Variants in F13A1 observed in about 807,000 individuals in gnomAD.
F13A1 encodes the protein FSF, A subunit.
In F13A1, 47 loss-of-function variants were observed where a neutral mutation model predicts 80.1. The ratio of observed to expected loss-of-function variants is 0.59; its 90% confidence interval spans 0.46 to 0.75. F13A1 has a LOEUF of 0.75. Ranked by LOEUF, F13A1 falls within the 30% of genes least tolerant of loss-of-function variation. The probability of loss-of-function intolerance (pLI) is 0.00; values close to 1 mark genes in which losing one functional copy is unlikely to be tolerated. For missense variants in F13A1, 817 were observed against 930.4 expected (o/e 0.88, Z 1.59); for synonymous variants, 349 against 344.9 (o/e 1.01, Z -0.13).
At chr6:6,197,091 T>C (rs2151082583) in intron 9 of F13A1, 132 bp downstream of exon 9, 1 of 766,524 alleles carries the variant, frequency 1.3e-6, no homozygotes, top group South Asian at 1.5e-5. Context: ...GCTAATACTG[T>C]ACATGTGCCC....
intron 4 of F13A1, among the ~76,000 whole-genome samples, chr6:6,252,607 T>C (rs961969258): frequency 1.3e-5 from 2 of 152,234 alleles, no homozygotes; most frequent in African/African-American, 4.8e-5. Flanking sequence ...AGATATTCAT[T>C]GTGCTACTCT....
chr6:6,307,551 GT>G (rs1211406190), intron 2 of F13A1, among the ~76,000 whole-genome samples: 1 of 151,298 alleles, frequency 6.6e-6, no homozygotes, highest in Non-Finnish European at 1.5e-5. Context: ...GGGCTTTAAA[GT>G]TTTTTTTTTA....
chr6:6,304,222 T>C (rs1302541496), intron 3 of F13A1, among the ~76,000 whole-genome samples: 2 of 82,494 alleles, frequency 2.4e-5, no homozygotes, highest in Non-Finnish European at 6.3e-5. Flanking sequence ...CATTGAGGTG[T>C]TTTTTTTCTA....
chr6:6,185,298 A>G (rs1761059723), intron 10 of F13A1, among the ~76,000 whole-genome samples: 1 of 111,452 alleles, frequency 9.0e-6, no homozygotes, highest in Non-Finnish European at 1.7e-5. Flanking sequence ...ACCCCACAAC[A>G]GTCCCCAAAG....
At chr6:6,200,057 G>C (rs1761364671) in intron 8 of F13A1, among the ~76,000 whole-genome samples, 1 of 152,210 alleles carries the variant, frequency 6.6e-6, no homozygotes, top group Admixed American at 6.5e-5. Flanking sequence ...GTGATGGGTG[G>C]ATGACCAGCC....
At chr6:6,254,923 CCATTT>C (rs1259812034) in intron 4 of F13A1, among the ~76,000 whole-genome samples, 4 of 152,008 alleles carry the variant, frequency 2.6e-5, no homozygotes, top group African/African-American at 4.8e-5. Flanking sequence ...AAATGTGTTT[CCATTT>C]AAGTGAAGCT....
At chr6:6,269,875 G>A (rs573462699) in intron 3 of F13A1, among the ~76,000 whole-genome samples, 10 of 151,734 alleles carry the variant, frequency 6.6e-5, no homozygotes, top group Admixed American at 2.6e-4. Context: ...CATCACGCCC[G>A]GCTAATTTTT....
At chr6:6,199,672 T>G (rs760016039) in intron 8 of F13A1, among the ~76,000 whole-genome samples, 5 of 152,302 alleles carry the variant, frequency 3.3e-5, no homozygotes, top group Non-Finnish European at 4.4e-5. Flanking sequence ...TGAAATCCTT[T>G]GATATCAAAT....
Position 6,261,251 on chromosome 6 carries a change from G to A in F13A1, c.571+5307C>T, listed in dbSNP as rs548263409. ...CGAAGTGCTGGGATTACAGGCGTGA[G>A]CCACTGGGCCCGGCCCTGCCTCTTG... On this transcript the variant is annotated intron_variant, in intron 4 of 14. Coordinates refer to ENST00000264870, the MANE Select transcript of F13A1 (RefSeq NM_000129.4). 2.6e-5 allele frequency among the ~76,000 whole-genome samples: 4 copies of A among 152,352 alleles called. No individual in the cohort carries two copies. The South Asian group carries it at 8.3e-4, about 32-fold the overall frequency.
intron 1 of F13A1, among the ~76,000 whole-genome samples, chr6:6,320,172 G>A (rs1379281253): frequency 2.0e-5 from 3 of 152,106 alleles, no homozygotes; most frequent in South Asian, 2.1e-4. Flanking sequence ...CGCAGGAGTG[G>A]GGAGGCGCGC....
At chr6:6,179,075 A>AT in intron 11 of F13A1, among the ~76,000 whole-genome samples, 1 of 152,174 alleles carries the variant, frequency 6.6e-6, no homozygotes. Context: ...GATTTTTGTA[A>AT]TTTTTGTTTT....
intron 14 of F13A1, among the ~76,000 whole-genome samples, chr6:6,151,217 C>T (rs1303452450): frequency 2.0e-5 from 3 of 152,054 alleles, no homozygotes; most frequent in Admixed American, 6.6e-5. Context: ...CATTACAGAA[C>T]CTGGGGTTGT....
chr6:6,169,593 G>A (rs1760736701), intron 12 of F13A1, among the ~76,000 whole-genome samples: 2 of 152,162 alleles, frequency 1.3e-5, no homozygotes, highest in Admixed American at 6.5e-5. Context: ...TAGACTAGTA[G>A]TTGTCAATAG....
chr6:6,162,162 A>G lies in F13A1; in HGVS notation c.1908+5296T>C, dbSNP rs1186300640. ...ACTCCCTTGAAGCCTCTTTGTTCAG[A>G]GAGTCGATGATAAAGCTCTCATCCA... On this transcript the variant is annotated intron_variant, in intron 13 of 14. Coordinates refer to ENST00000264870, the MANE Select transcript of F13A1 (RefSeq NM_000129.4). This position sits in a 1 kb window ranked among gnomAD's most constrained non-coding sequence, Gnocchi z 4.2. 6.6e-6 allele frequency among the ~76,000 whole-genome samples: 1 copy of G among 152,166 alleles called. No homozygotes were observed. Among genetic ancestry groups the G allele is most frequent in the Non-Finnish European group, 1.5e-5 (1 of 68,044 alleles).
At chr6:6,303,182 T>C (rs1476936581) in intron 3 of F13A1, among the ~76,000 whole-genome samples, 2 of 152,224 alleles carry the variant, frequency 1.3e-5, no homozygotes, top group African/African-American at 2.4e-5. Flanking sequence ...TAGTATGTTC[T>C]GATAGCCGCT....
At position 6,227,274 on chromosome 6, in the gene F13A1, C is replaced by T. The variant is rs143838257; in HGVS notation, c.799-2414G>A. Among the ~76,000 whole-genome samples the T allele has an allele frequency of 2.3e-3, 349 of 152,334 alleles. 2 individuals are homozygous for T. The highest frequency in any genetic ancestry group is 7.7e-3 in the African/African-American group (322 of 41,564). On this transcript the variant is annotated intron_variant, in intron 6 of 14. Transcript: ENST00000264870. ...ATTCAATTTGGTTTAGACATGCTAT[C>T]TTCCCCCTTTAACTCTGTGTCCAGT...
intron 8 of F13A1, among the ~76,000 whole-genome samples, chr6:6,209,038 A>C (rs115962612): frequency 0.013 from 2,035 of 152,296 alleles, 33 homozygotes; most frequent in Non-Finnish European, 0.016. Flanking sequence ...CACCATTAAG[A>C]AAGTGAAAAG....
rs188457812 is a variant in F13A1, at chr6:6,233,823, T to A, written c.799-8963A>T. 3.7e-3 allele frequency among the ~76,000 whole-genome samples: 557 copies of A among 152,120 alleles called. 1 individual carries two copies. Among genetic ancestry groups the A allele is most frequent in the African/African-American group, 0.013 (532 of 41,546 alleles). On this transcript the variant is annotated intron_variant, in intron 6 of 14. Transcript: ENST00000264870. ...ACAAGTCAATAAATGTGATGCACCA[T>A]ATAAACAGAATTAAAAACAAAAATC...
chr6:6,150,000 G>C (rs1014334694), intron 14 of F13A1, among the ~76,000 whole-genome samples: 6 of 152,206 alleles, frequency 3.9e-5, no homozygotes, highest in Admixed American at 2.6e-4. Flanking sequence ...GTGGGTCATT[G>C]CACTGTGTAA....
Sources: allele counts gnomAD v4.1 joint callset (sites outside exome capture counted in the v4.1 genomes callset), GRCh38; gene constraint gnomAD v4.1.1; non-coding constraint Gnocchi (gnomAD v3.1); transcripts MANE v1.5; gene names NCBI Gene and HGNC (gene_info 2026-07-23, HGNC 2026-07-21).